CPNE4: variants seen among roughly 807,000 people sequenced by gnomAD.
The protein encoded by CPNE4 is copine 4.
A neutral mutation model predicts 67.9 loss-of-function variants in CPNE4; 25 were observed. That is an observed-to-expected ratio of 0.37 (90% confidence interval 0.27 to 0.51). The LOEUF (loss-of-function observed/expected upper bound fraction) is 0.51. Ranked by LOEUF, CPNE4 falls within the 20% of genes least tolerant of loss-of-function variation. The pLI is 0.93. For missense variants in CPNE4, 464 were observed against 690.8 expected (o/e 0.67, Z 3.68); for synonymous variants, 242 against 244.9 (o/e 0.99, Z 0.11).
intron 1 of CPNE4, among the ~76,000 whole-genome samples, chr3:132,021,091 T>A (rs146967201): frequency 6.6e-6 from 1 of 152,354 alleles, no homozygotes; most frequent in African/African-American, 2.4e-5. Flanking sequence ...CAAGAGACTG[T>A]GGCTGTCACA....
At chr3:131,561,063 T>C (rs1236287894) in intron 11 of CPNE4, among the ~76,000 whole-genome samples, 1 of 152,074 alleles carries the variant, frequency 6.6e-6, no homozygotes, top group Non-Finnish European at 1.5e-5. Context: ...TAGTACATCA[T>C]GGAGAAATGC....
chr3:131,817,479 G>A (rs1262060903), intron 2 of CPNE4, among the ~76,000 whole-genome samples: 2 of 152,206 alleles, frequency 1.3e-5, no homozygotes, highest in African/African-American at 4.8e-5. Context: ...GGTCAGAGAA[G>A]TTAGCAAGGA....
At chr3:131,927,733 T>C (rs890555926) in intron 1 of CPNE4, among the ~76,000 whole-genome samples, 1 of 152,204 alleles carries the variant, frequency 6.6e-6, no homozygotes, top group African/African-American at 2.4e-5. Context: ...TTCTTAGTTT[T>C]AACCAGAGTT....
At chr3:131,876,845 C>G (rs975933751) in intron 2 of CPNE4, among the ~76,000 whole-genome samples, 2 of 152,072 alleles carry the variant, frequency 1.3e-5, no homozygotes, top group African/African-American at 4.8e-5. Context: ...CTCCCTAAAT[C>G]ACAGTGAGTA....
At chr3:131,795,785 G>A (rs1438740499) in intron 2 of CPNE4, among the ~76,000 whole-genome samples, 1 of 152,162 alleles carries the variant, frequency 6.6e-6, no homozygotes, top group East Asian at 1.9e-4. Flanking sequence ...GTGAATGTGT[G>A]TGTTTCTCCT....
At chr3:131,537,377 G>A (rs1191103286) in intron 15 of CPNE4, among the ~76,000 whole-genome samples, 3 of 147,834 alleles carry the variant, frequency 2.0e-5, no homozygotes, top group African/African-American at 7.5e-5. Context: ...TCCGCTTCCC[G>A]GATTCAAGCA....
rs1203184705 is a variant in CPNE4, at chr3:132,018,764, G to A, written c.-2+15803C>T. 2.0e-5 allele frequency among the ~76,000 whole-genome samples: 3 copies of A among 152,220 alleles called. No individual in the cohort carries two copies. In the East Asian group the frequency reaches 5.8e-4, roughly 29 times the overall value. On this transcript the variant is annotated intron_variant, in intron 1 of 15. Transcript: ENST00000429747. Reference sequence around the variant, plus strand: ...TCATGCTGCAGAAATAAAATGGGCAGCTTTAGAGGAGATTATGGCTTTAAT... The same window carrying A: ...TCATGCTGCAGAAATAAAATGGGCAACTTTAGAGGAGATTATGGCTTTAAT...
intron 3 of CPNE4, among the ~76,000 whole-genome samples, chr3:131,711,223 T>G (rs1271884122): frequency 6.6e-6 from 1 of 152,202 alleles, no homozygotes; most frequent in Admixed American, 6.5e-5. Context: ...GAATTCCCCC[T>G]TAAAGAGTAT....
At chr3:131,956,298 A>T (rs947246836) in intron 1 of CPNE4, among the ~76,000 whole-genome samples, 1 of 152,086 alleles carries the variant, frequency 6.6e-6, no homozygotes, top group Non-Finnish European at 1.5e-5. Context: ...TTGAGGCTTG[A>T]TGAAACTTGC....
chr3:131,853,725 A>G (rs1184080595), intron 2 of CPNE4, among the ~76,000 whole-genome samples: 1 of 151,894 alleles, frequency 6.6e-6, no homozygotes, highest in East Asian at 1.9e-4. Flanking sequence ...TTTTAAACTT[A>G]TGGTTGAAGA....
At chr3:132,038,957 A>G (rs1384379178), upstream of CPNE4, among the ~76,000 whole-genome samples, 6 of 152,276 alleles carry the variant, frequency 3.9e-5, no homozygotes, top group African/African-American at 1.4e-4. Context: ...CTAGCCCTGC[A>G]CTATTTATTG....
intron 2 of CPNE4, among the ~76,000 whole-genome samples, chr3:131,885,507 T>C (rs370607191): frequency 3.3e-5 from 5 of 152,012 alleles, no homozygotes; most frequent in Admixed American, 2.0e-4. Flanking sequence ...TTTTTGTTTT[T>C]TGTTTTTCAT....
intron 2 of CPNE4, among the ~76,000 whole-genome samples, chr3:131,736,276 C>G (rs1205093703): frequency 6.7e-6 from 1 of 149,170 alleles, no homozygotes. Context: ...TTCTAAAAGA[C>G]TTCCTCTTGA....
intron 1 of CPNE4, among the ~76,000 whole-genome samples, chr3:132,001,845 A>C (rs563290438): frequency 6.6e-6 from 1 of 152,268 alleles, no homozygotes; most frequent in East Asian, 1.9e-4. Context: ...GTAGCTTTTT[A>C]AGCTTTGCTC....
At position 131,886,143 on chromosome 3, in the gene CPNE4, C is replaced by T. The variant is rs373979785; in HGVS notation, c.180+19121G>A. On this transcript the variant is annotated intron_variant, in intron 2 of 15. Coordinates refer to ENST00000429747, the MANE Select transcript of CPNE4 (RefSeq NM_130808.3). The stretch of plus-strand genomic sequence containing the variant: ...GGAAGAAGTGGTTTCATGGGCTGGG[C>T]CCAGGGTCCCCAAGCTGAGCCGTGT... 7.2e-5 allele frequency among the ~76,000 whole-genome samples: 11 copies of T among 152,326 alleles called. 1 individual carries two copies. Among genetic ancestry groups the T allele is most frequent in the African/African-American group, 2.6e-4 (11 of 41,578 alleles).
chr3:131,864,672 T>A (rs1290583136), intron 2 of CPNE4, among the ~76,000 whole-genome samples: 1 of 152,062 alleles, frequency 6.6e-6, no homozygotes, highest in Non-Finnish European at 1.5e-5. Context: ...TTTGACTTCC[T>A]CTTTTCCTAA....
chr3:131,673,437 TTAA>T (rs1026324867), intron 6 of CPNE4, among the ~76,000 whole-genome samples: 1 of 152,106 alleles, frequency 6.6e-6, no homozygotes, highest in African/African-American at 2.4e-5. Flanking sequence ...TATGCACATT[TTAA>T]TAATATTAAT....
chr3:131,649,412 G>A (rs2079750377), intron 7 of CPNE4, among the ~76,000 whole-genome samples: 1 of 152,170 alleles, frequency 6.6e-6, no homozygotes, highest in South Asian at 2.1e-4. Flanking sequence ...GAAAAAGCTA[G>A]TTCCTATTAC....
At chr3:131,865,352 G>C (rs1327575236) in intron 2 of CPNE4, among the ~76,000 whole-genome samples, 2 of 151,910 alleles carry the variant, frequency 1.3e-5, no homozygotes, top group African/African-American at 4.8e-5. Context: ...TTTTTTGGTT[G>C]GTAATAAGCT....
Sources: allele counts gnomAD v4.1 joint callset (sites outside exome capture counted in the v4.1 genomes callset), GRCh38; gene constraint gnomAD v4.1.1; transcripts MANE v1.5; gene names NCBI Gene and HGNC (gene_info 2026-07-23, HGNC 2026-07-21).